The following DCC variants were observed in gnomAD, a reference collection of about 807,000 sequenced individuals.
DCC encodes the protein netrin receptor DCC.
A neutral mutation model predicts 172.5 loss-of-function variants in DCC; 58 were observed. The ratio of observed to expected loss-of-function variants is 0.34; its 90% CI spans 0.27 to 0.42. The LOEUF (loss-of-function observed/expected upper bound fraction) is 0.42, where lower values mean the gene tolerates loss of function less well. DCC is among the 10% of genes least tolerant of loss of function. DCC has a pLI of 1.00. For synonymous variants in DCC, 709 were observed against 644.5 expected, an observed-to-expected ratio of 1.10 and a Z score of -1.52; for missense variants, 1,740 against 1,791.0, an observed-to-expected ratio of 0.97 and a Z score of 0.51.
intron 18 of DCC, among the ~76,000 whole-genome samples, chr18:53,400,750 AT>A (rs1229820307): frequency 2.0e-5 from 3 of 152,168 alleles, no homozygotes; most frequent in Non-Finnish European, 4.4e-5. Context: ...TGGTTGTTAG[AT>A]TTTTTTAAAT....
At chr18:53,526,320 T>C (rs1167727162) in intron 27 of DCC, among the ~76,000 whole-genome samples, 1 of 152,062 alleles carries the variant, frequency 6.6e-6, no homozygotes, top group African/African-American at 2.4e-5. Flanking sequence ...CCTGACACTT[T>C]ATAGGGTGTG....
intron 7 of DCC, among the ~76,000 whole-genome samples, chr18:53,078,558 T>C (rs1230633552): frequency 3.9e-5 from 6 of 152,142 alleles, no homozygotes; most frequent in African/African-American, 1.4e-4. Flanking sequence ...TGTTCTATTT[T>C]GTTTAAGTGA....
chr18:52,907,898 T>C (rs1300923743), intron 3 of DCC, among the ~76,000 whole-genome samples: 1 of 152,164 alleles, frequency 6.6e-6, no homozygotes, highest in Non-Finnish European at 1.5e-5. Context: ...TTTAAAAAAG[T>C]CATTTCTCTC....
intron 5 of DCC, among the ~76,000 whole-genome samples, chr18:53,035,732 C>A (rs2042084028): frequency 1.3e-5 from 2 of 152,066 alleles, no homozygotes; most frequent in Non-Finnish European, 2.9e-5. Context: ...AGTTGGCAGC[C>A]TTTATAGACT....
rs1231956563 is a variant in DCC at position 52,416,444 on chromosome 18, C to T, written c.91+75566C>T. On this transcript the variant is annotated intron_variant, in intron 1 of 28. Transcript: ENST00000442544. ...GGGTGTTCTTGTTAACTTTCTGTCT[C>T]GTTGATCTGTCTAATGTTGACAGTG... Among the ~76,000 whole-genome samples the T allele has an allele frequency of 3.9e-5, 6 of 152,024 alleles. No homozygotes were observed. In the South Asian group the frequency reaches 8.3e-4, roughly 21 times the overall value.
intron 5 of DCC, among the ~76,000 whole-genome samples, chr18:52,992,918 G>A (rs1448415745): frequency 6.6e-6 from 1 of 151,372 alleles, no homozygotes; most frequent in Non-Finnish European, 1.5e-5. Flanking sequence ...GGCAGAGCTT[G>A]CAGTGAGCCA....
At chr18:52,955,515 G>A (rs1568209731) in intron 5 of DCC, among the ~76,000 whole-genome samples, 1 of 152,012 alleles carries the variant, frequency 6.6e-6, no homozygotes, top group Non-Finnish European at 1.5e-5. Flanking sequence ...AAACAACTAT[G>A]TGTAGATTTT....
chr18:52,634,525 C>T (rs955407792), intron 1 of DCC, among the ~76,000 whole-genome samples: 4 of 152,080 alleles, frequency 2.6e-5, no homozygotes, highest in African/African-American at 9.7e-5. Flanking sequence ...AAAATATTAG[C>T]ATGTATACGA....
At chr18:53,121,144 C>T (rs534178948) in intron 7 of DCC, among the ~76,000 whole-genome samples, 11 of 151,922 alleles carry the variant, frequency 7.2e-5, no homozygotes, top group African/African-American at 2.2e-4. Context: ...TTCATTTGTT[C>T]TATCCATGAT....
intron 1 of DCC, among the ~76,000 whole-genome samples, chr18:52,594,137 C>A (rs1289381409): frequency 6.6e-6 from 1 of 152,144 alleles, no homozygotes; most frequent in Non-Finnish European, 1.5e-5. Flanking sequence ...TAAGTCATAG[C>A]TCTAGGAAAA....
At chr18:52,867,413 T>C (rs578025736) in intron 2 of DCC, among the ~76,000 whole-genome samples, 1 of 152,182 alleles carries the variant, frequency 6.6e-6, no homozygotes, top group African/African-American at 2.4e-5. Flanking sequence ...TAGGGAAGAT[T>C]CCCTCTTTTT....
At position 52,729,328 on chromosome 18, in the gene DCC, C is replaced by T. The variant is rs1280258540; in HGVS notation, c.92-22726C>T. ...AGGCTGGAGTGCAGTGGTGCAATCT[C>T]GGCTCATTGCAACCTCTGCCTCCTG... On this transcript the variant is annotated intron_variant, in intron 1 of 28. Transcript: ENST00000442544. Among the ~76,000 whole-genome samples, 3 of 152,098 alleles carry T rather than the reference C, an allele frequency of 2.0e-5. No homozygotes were observed. The South Asian group carries it at 6.2e-4, about 32-fold the overall frequency.
intron 1 of DCC, among the ~76,000 whole-genome samples, chr18:52,372,759 C>T (rs538859603): frequency 6.2e-4 from 95 of 152,238 alleles, no homozygotes; most frequent in Middle Eastern, 3.4e-3. Context: ...AGTATTTTGA[C>T]GGTGCAAAAC....
rs117091904 is a variant in DCC, at chr18:53,451,603, G to A, written c.3392+941G>A. On this transcript the variant is annotated intron_variant, in intron 23 of 28. Coordinates refer to ENST00000442544, the MANE Select transcript of DCC (RefSeq NM_005215.4). ...ATGACATTACCTCTGAAAGCCTGAGGTATGGGTTCATAGGTGGCTGGTTTG... is the reference window on the plus strand; with the variant it reads ...ATGACATTACCTCTGAAAGCCTGAGATATGGGTTCATAGGTGGCTGGTTTG... Among the ~76,000 whole-genome samples the A allele has an allele frequency of 1.2e-3, 187 of 152,262 alleles. 2 individuals are homozygous for A. In the East Asian group the frequency reaches 0.032, roughly 26 times the overall value.
intron 3 of DCC, among the ~76,000 whole-genome samples, chr18:52,915,719 T>C (rs1334134631): frequency 6.6e-6 from 1 of 151,356 alleles, no homozygotes; most frequent in Non-Finnish European, 1.5e-5. Flanking sequence ...AAAGGCAAAA[T>C]AAGAGGGGCA....
intron 13 of DCC, among the ~76,000 whole-genome samples, chr18:53,309,922 GTATA>G (rs5825006): frequency 0.27 from 31,941 of 120,526 alleles, 4,763 homozygotes; most frequent in East Asian, 0.49. Context: ...ATATGTGCGT[GTATA>G]TATATATATA....
intron 2 of DCC, 51 bp downstream of exon 2, chr18:52,752,425 A>G: frequency 7.1e-7 from 1 of 1,411,396 alleles, no homozygotes; most frequent in Non-Finnish European, 1.0e-6. Flanking sequence ...TCTTCTTCTT[A>G]TTCATTTTTG....
At chr18:53,147,301 G>A (rs2043930237) in intron 7 of DCC, among the ~76,000 whole-genome samples, 1 of 152,110 alleles carries the variant, frequency 6.6e-6, no homozygotes, top group Non-Finnish European at 1.5e-5. Flanking sequence ...AGTAGTCGGG[G>A]CCTTTTTCTT....
intron 1 of DCC, among the ~76,000 whole-genome samples, chr18:52,729,822 C>A (rs78630486): frequency 6.8e-6 from 1 of 147,628 alleles, no homozygotes; most frequent in Non-Finnish European, 1.5e-5. Flanking sequence ...AAGGGTAGAA[C>A]CACAGAACAC....
Sources: gnomAD v4.1 joint callset for allele counts (sites outside exome capture counted in the v4.1 genomes callset) on GRCh38, gnomAD v4.1.1 for gene constraint, MANE v1.5 for transcripts, NCBI Gene and HGNC (gene_info 2026-07-23, HGNC 2026-07-21) for gene names.